Variants in MFN1 observed in about 807,000 individuals in gnomAD.
The protein encoded by MFN1 is mitofusin-1.
In MFN1, 65 loss-of-function variants were observed where a neutral mutation model predicts 92.4. That is an observed-to-expected ratio of 0.70 (90% CI 0.58 to 0.86). MFN1 has a LOEUF of 0.86. MFN1 is among the 40% of genes least tolerant of loss of function. MFN1 has a pLI of 0.00. For missense variants in MFN1, 781 were observed against 868.0 expected (o/e 0.90, Z 1.26); for synonymous variants, 297 against 300.9 (o/e 0.99, Z 0.13).
intron 4 of MFN1, among the ~76,000 whole-genome samples, chr3:179,360,862 C>A (rs1211540707): frequency 6.6e-6 from 1 of 152,112 alleles, no homozygotes; most frequent in Non-Finnish European, 1.5e-5. Context: ...AAATACTATT[C>A]AAGGCCGGGC....
intron 9 of MFN1, among the ~76,000 whole-genome samples, chr3:179,370,088 G>T (rs545803573): frequency 6.6e-6 from 1 of 152,192 alleles, no homozygotes; most frequent in Non-Finnish European, 1.5e-5. Context: ...TAATTACATT[G>T]AAAGTTTTAG....
chr3:179,352,712 C>G (rs1023167704), intron 3 of MFN1, among the ~76,000 whole-genome samples: 1 of 151,950 alleles, frequency 6.6e-6, no homozygotes, highest in Non-Finnish European at 1.5e-5. Context: ...CCATGCATTC[C>G]AGATTATAAT....
intron 16 of MFN1, among the ~76,000 whole-genome samples, chr3:179,387,060 T>A (rs1256068635): frequency 6.6e-6 from 1 of 152,014 alleles, no homozygotes; most frequent in Non-Finnish European, 1.5e-5. Flanking sequence ...GGACCACAGG[T>A]GTGTGCCACC....
At chr3:179,387,412 A>T (rs1033664641) in intron 16 of MFN1, among the ~76,000 whole-genome samples, 1 of 151,838 alleles carries the variant, frequency 6.6e-6, no homozygotes, top group African/African-American at 2.4e-5. Context: ...CGGGCATGGT[A>T]GCACATGCCT....
intron 9 of MFN1, among the ~76,000 whole-genome samples, chr3:179,373,125 A>G (rs1339118161): frequency 6.6e-6 from 1 of 152,212 alleles, no homozygotes; most frequent in Non-Finnish European, 1.5e-5. Flanking sequence ...CAAGAAAGTA[A>G]TGGCTTCAGA....
intron 10 of MFN1, 113 bp from the exon 11 acceptor site, chr3:179,376,924 GTTTTT>G (rs533318519): frequency 4.7e-6 from 4 of 848,902 alleles, no homozygotes. Flanking sequence ...GATGTTACAA[GTTTTT>G]TTTTTCCTTG....
intron 5 of MFN1, among the ~76,000 whole-genome samples, chr3:179,362,778 A>G (rs1436831366): frequency 6.6e-6 from 1 of 152,142 alleles, no homozygotes; most frequent in African/African-American, 2.4e-5. Context: ...GGTACAAGTG[A>G]TTCTCCCACC....
intron 14 of MFN1, among the ~76,000 whole-genome samples, chr3:179,379,220 G>A (rs1376933418): frequency 8.5e-5 from 13 of 152,232 alleles, no homozygotes. Context: ...CACATGTGCA[G>A]GTCCAGTGCA....
Position 179,348,862 on chromosome 3 carries a change from C to T in MFN1, c.11C>T (p.Pro4Leu). ...CCCTCTAGTAGCATAATGGCAGAAC[C>T]TGTTTCTCCACTGAAGCACTTTGTG... MAE[P>L]VSPLKHFVLA... is the part of the protein sequence containing the mutation. Residue 4 changes from proline (P) to leucine (L), a missense_variant, in exon 2 of 18, where the codon CCT becomes CTT. Pro to Leu is a moderately conservative substitution (Grantham distance 98). Coordinates refer to ENST00000471841, the MANE Select transcript of MFN1 (RefSeq NM_033540.3). 4 of 1,609,130 alleles carry T rather than the reference C, an allele frequency of 2.5e-6. No homozygotes were observed. The highest frequency in any genetic ancestry group is 3.4e-6 in the Non-Finnish European group (4 of 1,176,230).
rs1396901152 is a variant in MFN1 at position 179,385,485 on chromosome 3, G to A, written c.1663-84G>A. On this transcript the variant is annotated intron_variant, in intron 14 of 17. Coordinates refer to ENST00000471841, the MANE Select transcript of MFN1 (RefSeq NM_033540.3). ...AGGGTAATTTTTCCCTCATAGATGT[G>A]CTACTATAATTTTAGAGTTTTATAA... 5 of 1,253,702 alleles carry A rather than the reference G, an allele frequency of 4.0e-6. No homozygotes were observed. The African/African-American group carries it at 7.8e-5, about 19-fold the overall frequency. The allele number at this position is 1,253,702 out of a possible 1,614,324, so 77.7% of individuals were successfully genotyped here.
intron 14 of MFN1, among the ~76,000 whole-genome samples, chr3:179,379,675 C>T (rs1713393071): frequency 6.6e-6 from 1 of 152,038 alleles, no homozygotes; most frequent in South Asian, 2.1e-4. Context: ...TTTAAAAGGC[C>T]TACAGATACC....
At position 179,378,245 on chromosome 3, in the gene MFN1, A is replaced by G; in HGVS notation, c.1330-96A>G. The G allele has an allele frequency of 4.1e-6, 4 of 965,738 alleles. No homozygotes were observed. In the South Asian group the frequency reaches 6.0e-5, roughly 14 times the overall value. The allele number at this position is 965,738 out of a possible 1,614,324, so 59.8% of individuals were successfully genotyped here. A position where few individuals can be genotyped will look rare whatever the true frequency, so the allele number is the denominator to read the frequency against. On this transcript the variant is annotated intron_variant, in intron 12 of 17. Transcript: ENST00000471841. Reference sequence around the variant, plus strand: ...AAAAAAAAAAAAAAGTCAAATTAAAAAGACCATTTTGGCATTTACTGAATA... The same window carrying G: ...AAAAAAAAAAAAAAGTCAAATTAAAGAGACCATTTTGGCATTTACTGAATA...
chr3:179,368,252 GAAGAA>G (rs1013527622), intron 9 of MFN1, 149 bp downstream of exon 9: 2 of 398,546 alleles, frequency 5.0e-6, no homozygotes, highest in African/African-American at 4.2e-5. Flanking sequence ...TGTGGAAAGT[GAAGAA>G]AAGGAGCCCC....
At chr3:179,356,024 A>T (rs1712334181) in intron 3 of MFN1, among the ~76,000 whole-genome samples, 1 of 145,366 alleles carries the variant, frequency 6.9e-6, no homozygotes, top group African/African-American at 2.4e-5. Context: ...AAAGAAATAT[A>T]TTTGATCTTT....
chr3:179,354,592 G>A lies in MFN1; in HGVS notation c.248+2557G>A, dbSNP rs145728034. ...TTGCGCAAGAAGGAATTCCGGATGG[G>A]TCCATAAAGTGAAAGCAAGTTTATT... On this transcript the variant is annotated intron_variant, in intron 3 of 17. Transcript: ENST00000471841. Among the ~76,000 whole-genome samples the A allele has an allele frequency of 9.4e-4, 143 of 152,252 alleles. 1 individual carries two copies. Among genetic ancestry groups the A allele is most frequent in the African/African-American group, 3.3e-3 (135 of 41,532 alleles).
chr3:179,367,254 A>G (rs1282304609), intron 7 of MFN1, among the ~76,000 whole-genome samples, 185 bp from the exon 8 acceptor site: 1 of 152,218 alleles, frequency 6.6e-6, no homozygotes, highest in East Asian at 1.9e-4. Context: ...CAAAAGACAG[A>G]ATCGTTAAGA....
chr3:179,385,843 A>G, intron 15 of MFN1, 122 bp downstream of exon 15: 1 of 956,120 alleles, frequency 1.0e-6, no homozygotes, highest in Non-Finnish European at 1.5e-6. Flanking sequence ...ATAGTATGAA[A>G]ATTTGCAGGT....
At chr3:179,384,701 T>A (rs1366576659) in intron 14 of MFN1, among the ~76,000 whole-genome samples, 1 of 152,134 alleles carries the variant, frequency 6.6e-6, no homozygotes, top group Non-Finnish European at 1.5e-5. Flanking sequence ...CCTAGCTAAT[T>A]TAAAAGAAAT....
At chr3:179,348,638 A>T in intron 1 of MFN1, 1 of 620,094 alleles carries the variant, frequency 1.6e-6, no homozygotes. Flanking sequence ...GATTTTGGCT[A>T]ATAGATTTCA....
Sources: allele counts gnomAD v4.1 joint callset (sites outside exome capture counted in the v4.1 genomes callset), GRCh38; gene constraint gnomAD v4.1.1; transcripts MANE v1.5; gene names NCBI Gene and HGNC (gene_info 2026-07-23, HGNC 2026-07-21).